The following KIAA1328 variants were observed in gnomAD, a reference collection of about 807,000 sequenced individuals.
The protein encoded by KIAA1328 is protein hinderin.
KIAA1328 carries 52 observed loss-of-function variants against 68.1 expected under a neutral mutation model. The ratio of observed to expected loss-of-function variants is 0.76; its 90% CI spans 0.61 to 0.96. KIAA1328 has a LOEUF of 0.96. Ranked by LOEUF, KIAA1328 falls within the 40% of genes least tolerant of loss-of-function variation. KIAA1328 has a pLI of 0.00. For missense variants in KIAA1328, 641 were observed against 677.6 expected (o/e 0.95, Z 0.60); for synonymous variants, 232 against 239.4 (o/e 0.97, Z 0.28).
intron 6 of KIAA1328, among the ~76,000 whole-genome samples, chr18:37,024,385 A>ATG (rs1568305347): frequency 6.8e-6 from 1 of 147,808 alleles, no homozygotes; most frequent in South Asian, 2.1e-4. Context: ...TTATATATAT[A>ATG]TATTTATTAT....
At chr18:36,887,760 A>G (rs2048549228) in intron 5 of KIAA1328, among the ~76,000 whole-genome samples, 1 of 152,104 alleles carries the variant, frequency 6.6e-6, no homozygotes, top group Admixed American at 6.6e-5. Context: ...TCAGCCCCCA[A>G]CTCTGGTAGC....
intron 4 of KIAA1328, among the ~76,000 whole-genome samples, chr18:36,885,003 CA>C (rs1408140645): frequency 6.6e-6 from 1 of 151,948 alleles, no homozygotes; most frequent in Non-Finnish European, 1.5e-5. Flanking sequence ...ACATGTACTG[CA>C]AACCTTCCTT....
In KIAA1328 at chr18:36,962,026, G is replaced by A. The variant is rs554039649; in HGVS notation, c.576+2591G>A. ...TTAAAAGACACAGACTGGCAAATTG[G>A]ATAAAGAATCAAGACCTATCAATGT... is the stretch of plus-strand genomic sequence containing the variant. On this transcript the variant is annotated intron_variant, in intron 6 of 9. Transcript: ENST00000280020. Among the ~76,000 whole-genome samples the A allele has an allele frequency of 2.1e-3, 317 of 152,294 alleles. 2 individuals carry two copies. The highest frequency in any genetic ancestry group is 0.017 in the Middle Eastern group (5 of 294).
At chr18:36,955,956 CT>C (rs1227430553) in intron 5 of KIAA1328, 2 of 152,104 alleles carry the variant, frequency 1.3e-5, no homozygotes, top group African/African-American at 4.8e-5. Flanking sequence ...TTAAAATAAT[CT>C]TTCCTTACTT....
At chr18:37,126,651 A>G (rs1463096567) in intron 7 of KIAA1328, among the ~76,000 whole-genome samples, 2 of 152,194 alleles carry the variant, frequency 1.3e-5, no homozygotes, top group Admixed American at 1.3e-4. Flanking sequence ...GATTATAAGA[A>G]AAGAACACTA....
Position 37,065,154 on chromosome 18 carries a change from T to G in KIAA1328, c.577-1736T>G, listed in dbSNP as rs562978272. Among the ~76,000 whole-genome samples, 163 of 152,286 alleles carry G rather than the reference T, an allele frequency of 1.1e-3. 2 individuals carry two copies. The highest frequency in any genetic ancestry group is 3.8e-3 in the African/African-American group (158 of 41,552). ...GAGGATATGGATAGAAGATTAAGAA[T>G]TTTTGCTTGTTTGGTTAATATAAGT... On this transcript the variant is annotated intron_variant, in intron 6 of 9. Coordinates refer to ENST00000280020, the MANE Select transcript of KIAA1328 (RefSeq NM_020776.3).
chr18:36,894,888 A>G (rs1377235508), intron 5 of KIAA1328, among the ~76,000 whole-genome samples: 1 of 152,132 alleles, frequency 6.6e-6, no homozygotes, highest in Non-Finnish European at 1.5e-5. Flanking sequence ...CTTATGGCCT[A>G]AAGGACCAAA....
At chr18:37,054,504 C>G (rs964016767) in intron 6 of KIAA1328, among the ~76,000 whole-genome samples, 19 of 152,184 alleles carry the variant, frequency 1.2e-4, no homozygotes, top group Non-Finnish European at 2.5e-4. Context: ...AAATCACATC[C>G]TTTGCCGGAA....
chr18:37,158,634 G>C (rs539979783), intron 7 of KIAA1328, among the ~76,000 whole-genome samples: 2 of 152,162 alleles, frequency 1.3e-5, no homozygotes, highest in South Asian at 4.1e-4. Flanking sequence ...TACAAATGAA[G>C]GAAGAAATTT....
intron 6 of KIAA1328, among the ~76,000 whole-genome samples, chr18:37,013,063 T>G (rs1440486911): frequency 6.6e-6 from 1 of 152,152 alleles, no homozygotes; most frequent in African/African-American, 2.4e-5. Flanking sequence ...TCACATATAT[T>G]TAGAAATTTC....
chr18:37,224,130 G>T lies in KIAA1328; in HGVS notation c.*1903G>T. 2 of 985,220 alleles carry T rather than the reference G, an allele frequency of 2.0e-6. No homozygotes were observed. The highest frequency in any genetic ancestry group is 2.4e-6 in the Non-Finnish European group (2 of 829,902). 61.0% of individuals were successfully genotyped at this position (985,220 alleles called of 1,614,324 possible). The stretch of plus-strand genomic sequence containing the variant: ...AGGTTGCCAGAACTTTCTTTTCCTT[G>T]CCCCCTGTGTCATGACTAGCTTAAG... On this transcript the variant is annotated 3_prime_UTR_variant, in exon 10 of 10. Coordinates refer to ENST00000280020, the MANE Select transcript of KIAA1328 (RefSeq NM_020776.3).
intron 9 of KIAA1328, among the ~76,000 whole-genome samples, chr18:37,194,476 T>C (rs1223791989): frequency 6.6e-6 from 1 of 152,222 alleles, no homozygotes; most frequent in Non-Finnish European, 1.5e-5. Flanking sequence ...CTTTTTGTAA[T>C]ATGTCAAAAT....
At chr18:36,926,469 A>G (rs2050124567) in intron 5 of KIAA1328, among the ~76,000 whole-genome samples, 1 of 152,062 alleles carries the variant, frequency 6.6e-6, no homozygotes, top group Admixed American at 6.6e-5. Flanking sequence ...ACATCGTATC[A>G]GGGTCACATG....
At position 37,014,571 on chromosome 18, in the gene KIAA1328, C is replaced by G. The variant is rs1007862428; in HGVS notation, c.577-52319C>G. On this transcript the variant is annotated intron_variant, in intron 6 of 9. Transcript: ENST00000280020. ...AGGCTGTACAGGAAGCATGGCAGGA[C>G]CTGCTTCTGAGGAGGCCTCAGGAAA... Among the ~76,000 whole-genome samples, 6 of 152,196 alleles carry G rather than the reference C, an allele frequency of 3.9e-5. No individual in the cohort carries two copies. In the East Asian group the frequency reaches 1.2e-3, roughly 29 times the overall value.
chr18:37,066,629 C>T (rs1348739018), intron 6 of KIAA1328, among the ~76,000 whole-genome samples: 2 of 152,114 alleles, frequency 1.3e-5, no homozygotes, highest in Non-Finnish European at 2.9e-5. Flanking sequence ...CAGAAATCAC[C>T]AAAGATCATG....
intron 5 of KIAA1328, among the ~76,000 whole-genome samples, chr18:36,907,904 A>G (rs1366356982): frequency 6.6e-6 from 1 of 152,178 alleles, no homozygotes; most frequent in Non-Finnish European, 1.5e-5. Flanking sequence ...TTTCTAATGG[A>G]AGCATTTTTA....
intron 5 of KIAA1328, chr18:36,924,036 A>G (rs959520857): frequency 6.6e-5 from 10 of 152,070 alleles, no homozygotes; most frequent in African/African-American, 2.4e-4. Context: ...TGGTGTTTGG[A>G]TTTACCCTAG....
intron 6 of KIAA1328, among the ~76,000 whole-genome samples, chr18:37,027,204 C>A (rs2151561027): frequency 6.6e-6 from 1 of 152,208 alleles, no homozygotes; most frequent in Middle Eastern, 3.4e-3. Flanking sequence ...AACCACTGGT[C>A]AACGAAATAA....
At chr18:37,035,827 A>C (rs992256704) in intron 6 of KIAA1328, among the ~76,000 whole-genome samples, 1 of 152,194 alleles carries the variant, frequency 6.6e-6, no homozygotes, top group African/African-American at 2.4e-5. Context: ...AGGGTTATAA[A>C]ACCAGTTTGA....
Sources: gnomAD v4.1 joint callset for allele counts (sites outside exome capture counted in the v4.1 genomes callset) on GRCh38, gnomAD v4.1.1 for gene constraint, MANE v1.5 for transcripts, NCBI Gene and HGNC (gene_info 2026-07-23, HGNC 2026-07-21) for gene names.